The following CRISP1 variants were observed in gnomAD, a reference collection of about 807,000 sequenced individuals.
CRISP1 encodes cysteine rich secretory protein 1, also known as cysteine-rich secretory protein 1.
Under a neutral mutation model 33.1 loss-of-function variants are expected in CRISP1, and 44 were observed. That is an observed-to-expected ratio of 1.33 (90% CI 1.05 to 1.71). The LOEUF (loss-of-function observed/expected upper bound fraction) is 1.71. Ranked by LOEUF, CRISP1 falls within the 40% of genes most tolerant of loss-of-function variation. The pLI, the probability that CRISP1 is intolerant of heterozygous loss-of-function variation, is 0.00. For missense variants in CRISP1, 390 were observed against 301.2 expected (o/e 1.29, Z -2.18); for synonymous variants, 103 against 98.7 (o/e 1.04, Z -0.26).
chr6:49,857,087 A>G (rs921501046), intron 2 of CRISP1, among the ~76,000 whole-genome samples: 1 of 152,184 alleles, frequency 6.6e-6, no homozygotes, highest in Admixed American at 6.5e-5. Context: ...GATTAAGTAT[A>G]ATTTCAGGCC....
intron 7 of CRISP1, among the ~76,000 whole-genome samples, chr6:49,836,125 A>G (rs530052900): frequency 9.9e-5 from 15 of 152,240 alleles, no homozygotes; most frequent in African/African-American, 3.1e-4. Flanking sequence ...CAACTAACCA[A>G]TGTATCTATT....
intron 7 of CRISP1, among the ~76,000 whole-genome samples, chr6:49,836,790 C>A (rs977564033): frequency 2.0e-5 from 3 of 152,122 alleles, no homozygotes; most frequent in Non-Finnish European, 4.4e-5. Flanking sequence ...CAAGGTGCAA[C>A]AAGGAGATGA....
chr6:49,843,694 T>C (rs1420601203), intron 5 of CRISP1, among the ~76,000 whole-genome samples: 2 of 152,150 alleles, frequency 1.3e-5, no homozygotes, highest in Non-Finnish European at 2.9e-5. Flanking sequence ...AACAAATACC[T>C]AAAAATGTGG....
intron 2 of CRISP1, among the ~76,000 whole-genome samples, chr6:49,854,861 G>A (rs1258486901): frequency 6.6e-6 from 1 of 152,160 alleles, no homozygotes; most frequent in Admixed American, 6.6e-5. Context: ...GGGCAAGGAT[G>A]CTGCTGCTAA....
chr6:49,841,671 A>G (rs1260172766), intron 5 of CRISP1, among the ~76,000 whole-genome samples: 1 of 152,190 alleles, frequency 6.6e-6, no homozygotes, highest in African/African-American at 2.4e-5. Context: ...GTGGTTATAT[A>G]AAAATCAAAG....
Position 49,857,342 on chromosome 6 carries a change from G to A in CRISP1, c.59C>T (p.Ser20Phe). 6.2e-7 allele frequency: 1 copy of A among 1,612,670 alleles called. No individual in the cohort carries two copies. Among genetic ancestry groups the A allele is most frequent in the Non-Finnish European group, 8.5e-7 (1 of 1,179,098 alleles). ...CATCCAACCCTCACATACTTTCATG[G>A]ACAACATAGGCAGTAAGCAAGCAGC... is the stretch of plus-strand genomic sequence containing the variant. ...VAAACLLPML[S>F]MKKKSARDQF... Residue 20 changes from serine to phenylalanine, a missense_variant, in exon 2 of 8, where the codon TCC (serine) becomes TTC (phenylalanine). Coordinates refer to ENST00000335847, the MANE Select transcript of CRISP1 (RefSeq NM_001131.3).
chr6:49,843,277 T>C (rs1208431542), intron 5 of CRISP1, among the ~76,000 whole-genome samples: 1 of 152,226 alleles, frequency 6.6e-6, no homozygotes, highest in Non-Finnish European at 1.5e-5. Flanking sequence ...ACATACCCTT[T>C]GTGTCTAAGT....
upstream of CRISP1, among the ~76,000 whole-genome samples, chr6:49,868,257 A>G (rs1771844343): frequency 1.3e-5 from 2 of 152,196 alleles, no homozygotes; most frequent in Admixed American, 1.3e-4. Flanking sequence ...GTTTCTGTTC[A>G]TAAATTTCCT....
At chr6:49,851,230 C>T (rs762697425) in intron 3 of CRISP1, among the ~76,000 whole-genome samples, 1 of 152,076 alleles carries the variant, frequency 6.6e-6, no homozygotes, top group Non-Finnish European at 1.5e-5. Flanking sequence ...AAAGGTGCTC[C>T]TTAGAATCAC....
At chr6:49,873,173 A>T (rs1461361850) in intron 1 of CRISP1, among the ~76,000 whole-genome samples, 1 of 151,998 alleles carries the variant, frequency 6.6e-6, no homozygotes, top group Admixed American at 6.6e-5. Context: ...AGTATAAAAA[A>T]TAAAAATAAA....
At chr6:49,872,181 G>C (rs1185884130) in intron 1 of CRISP1, among the ~76,000 whole-genome samples, 2 of 152,034 alleles carry the variant, frequency 1.3e-5, no homozygotes, top group Non-Finnish European at 2.9e-5. Context: ...TGTGTCTTTG[G>C]GCTGCATAAA....
intron 1 of CRISP1, 65 bp from the exon 2 acceptor site, chr6:49,857,467 T>A: frequency 6.9e-7 from 1 of 1,449,842 alleles, no homozygotes; most frequent in Non-Finnish European, 9.6e-7. Flanking sequence ...GGTAATAAAC[T>A]ATTTAAACCA....
chr6:49,849,993 T>C (rs955677741), intron 3 of CRISP1, among the ~76,000 whole-genome samples: 1 of 149,522 alleles, frequency 6.7e-6, no homozygotes, highest in Non-Finnish European at 1.5e-5. Context: ...CATTCACTAC[T>C]AAGAACAAAA....
chr6:49,868,138 A>G (rs917317809), upstream of CRISP1, among the ~76,000 whole-genome samples: 3 of 152,154 alleles, frequency 2.0e-5, no homozygotes, highest in Non-Finnish European at 4.4e-5. Flanking sequence ...GTCTTCATAT[A>G]GAGTTGCTAT....
intron 5 of CRISP1, among the ~76,000 whole-genome samples, chr6:49,842,092 A>G (rs1771010076): frequency 6.6e-6 from 1 of 152,198 alleles, no homozygotes; most frequent in Admixed American, 6.5e-5. Context: ...TTTTCTCTTT[A>G]CAAAGAGAGT....
At chr6:49,862,453 T>A (rs910066870) in intron 1 of CRISP1, among the ~76,000 whole-genome samples, 7 of 152,078 alleles carry the variant, frequency 4.6e-5, no homozygotes, top group African/African-American at 1.4e-4. Flanking sequence ...ACATATAGTT[T>A]TTTTTGTCAA....
intron 5 of CRISP1, among the ~76,000 whole-genome samples, chr6:49,843,521 C>G (rs1254242281): frequency 6.6e-6 from 1 of 152,158 alleles, no homozygotes; most frequent in African/African-American, 2.4e-5. Flanking sequence ...AGAATCCTCT[C>G]AAGAAACTAA....
chr6:49,835,695 T>C (rs1375394303), intron 7 of CRISP1, among the ~76,000 whole-genome samples: 1 of 152,172 alleles, frequency 6.6e-6, no homozygotes, highest in Non-Finnish European at 1.5e-5. Flanking sequence ...TATAAACAGA[T>C]TGGAGAGGAA....
In CRISP1 at chr6:49,846,559, T is replaced by G; in HGVS notation, c.396A>C (p.Thr132=). The G allele has an allele frequency of 6.2e-7, 1 of 1,613,630 alleles. No individual in the cohort carries two copies. Among genetic ancestry groups the G allele is most frequent in the Non-Finnish European group, 8.5e-7 (1 of 1,179,716 alleles). ...ESTSFKHGEW[T]TTDDDITTDH... ...CAGTAGTTATGTCATCATCCGTTGTTGTCCATTCTCCATGTTTGAAACTTG... is the reference window on the plus strand; with the variant it reads ...CAGTAGTTATGTCATCATCCGTTGTGGTCCATTCTCCATGTTTGAAACTTG... Residue 132 remains threonine, a synonymous_variant, in exon 5 of 8, where the codon ACA becomes ACC. Coordinates refer to ENST00000335847, the MANE Select transcript of CRISP1 (RefSeq NM_001131.3).
Sources: gnomAD v4.1 joint callset for allele counts (sites outside exome capture counted in the v4.1 genomes callset) on GRCh38, gnomAD v4.1.1 for gene constraint, MANE v1.5 for transcripts, NCBI Gene and HGNC (gene_info 2026-07-23, HGNC 2026-07-21) for gene names.